Variants in SIRPB1 observed in about 807,000 individuals in gnomAD.
SIRPB1 encodes signal-regulatory protein beta-1.
In SIRPB1, 28 loss-of-function variants were observed where a neutral mutation model predicts 34.1. The ratio of observed to expected loss-of-function variants is 0.82; its 90% CI spans 0.61 to 1.12. The LOEUF (loss-of-function observed/expected upper bound fraction) is 1.12, where lower values mean the gene tolerates loss of function less well. Ranked by LOEUF, SIRPB1 falls within the 50% of genes most tolerant of loss-of-function variation. SIRPB1 has a pLI of 0.00. For synonymous variants in SIRPB1, 211 were observed against 203.8 expected, an observed-to-expected ratio of 1.04 and a Z score of -0.30; for missense variants, 499 against 507.0, an observed-to-expected ratio of 0.98 and a Z score of 0.15.
intron 1 of SIRPB1, 126 bp from the exon 2 acceptor site, chr20:1,578,820 A>C (rs1356695818): frequency 1.3e-6 from 1 of 761,732 alleles, no homozygotes; most frequent in East Asian, 2.4e-5. Context: ...TCAGCCCACT[A>C]CATGTATTAT....
chr20:1,609,907 G>C (rs565174948), intron 1 of SIRPB1, among the ~76,000 whole-genome samples: 1 of 73,102 alleles, frequency 1.4e-5, no homozygotes, highest in Non-Finnish European at 2.6e-5. Flanking sequence ...CTTCCAGTGG[G>C]TGTCTCCCGC....
chr20:1,614,896 A>C (rs2122321203), intron 1 of SIRPB1, among the ~76,000 whole-genome samples: 1 of 152,238 alleles, frequency 6.6e-6, no homozygotes, highest in Admixed American at 6.5e-5. Flanking sequence ...TATGCTATGT[A>C]CAGCTTTGTG....
At position 1,561,642 on chromosome 20, in the gene SIRPB1, G is replaced by A. The variant is rs892372436; in HGVS notation, c.*3858C>T. Among the ~76,000 whole-genome samples the A allele has an allele frequency of 4.6e-5, 7 of 152,112 alleles. No individual in the cohort carries two copies. Among genetic ancestry groups the A allele is most frequent in the African/African-American group, 1.7e-4 (7 of 41,394 alleles). On this transcript the variant is annotated 3_prime_UTR_variant, in exon 6 of 6. Coordinates refer to ENST00000381605, the MANE Select transcript of SIRPB1 (RefSeq NM_006065.5). ...TTCCTCATGATTAGATTGGGGTTGT[G>A]AGTTTTGGGGGGAAGGTAATAGAGG... is the stretch of plus-strand genomic sequence containing the variant.
At chr20:1,618,957 G>C (rs181079218) in intron 1 of SIRPB1, among the ~76,000 whole-genome samples, 289 of 152,320 alleles carry the variant, frequency 1.9e-3, no homozygotes, top group African/African-American at 6.8e-3. Context: ...TTGGGAGACA[G>C]GGTCTTTAAG....
At chr20:1,613,594 G>T (rs1300671182) in intron 1 of SIRPB1, among the ~76,000 whole-genome samples, 9 of 152,250 alleles carry the variant, frequency 5.9e-5, no homozygotes, top group African/African-American at 2.2e-4. Flanking sequence ...ATAACTAAAA[G>T]TTCACTAGAG....
chr20:1,617,329 A>G (rs920647152), intron 1 of SIRPB1, among the ~76,000 whole-genome samples: 1 of 152,180 alleles, frequency 6.6e-6, no homozygotes, highest in Non-Finnish European at 1.5e-5. Flanking sequence ...GGAAATTGGT[A>G]TACACAATGG....
rs570919989 is a variant in SIRPB1 at position 1,583,212 on chromosome 20, A to C, written c.77-4518T>G. On this transcript the variant is annotated intron_variant, in intron 1 of 5. Transcript: ENST00000381605. ...GCATCTGCGGAAATTTCATGGAATA[A>C]GATCAAGGGCAAAAGTGTTTGAGAA... 4.1e-5 allele frequency among the ~76,000 whole-genome samples: 2 copies of C among 49,140 alleles called. 1 individual carries two copies. The highest frequency in any genetic ancestry group is 2.7e-4 in the Admixed American group (2 of 7,330). The allele number at this position is 49,140 out of a possible 152,430, so 32.2% of individuals were successfully genotyped here.
intron 1 of SIRPB1, chr20:1,598,088 C>A: frequency 2.7e-6 from 1 of 371,184 alleles, no homozygotes; most frequent in Non-Finnish European, 3.1e-6. Context: ...TCTGGGGAAG[C>A]TTCTCACCAG....
At chr20:1,566,357 G>A (rs1422652043) in intron 4 of SIRPB1, 90 bp from the exon 5 acceptor site, 3 of 701,410 alleles carry the variant, frequency 4.3e-6, no homozygotes, top group Non-Finnish European at 7.1e-6. Flanking sequence ...AGGCTACCTG[G>A]GCCCATCAAT....
chr20:1,614,971 A>G (rs2091609301), intron 1 of SIRPB1, among the ~76,000 whole-genome samples: 1 of 152,154 alleles, frequency 6.6e-6, no homozygotes. Flanking sequence ...AATATCAATA[A>G]TGACATCTGC....
rs1488315301 is a variant in SIRPB1 at position 1,609,512 on chromosome 20, C to T, written c.76+10357G>A. On this transcript the variant is annotated intron_variant, in intron 1 of 5. Transcript: ENST00000381605. ...AGTTACATCTTCCCATCACTCTAACCTCTTGCTTGCACCCTCACAAATCCT... is the reference window on the plus strand; with the variant it reads ...AGTTACATCTTCCCATCACTCTAACTTCTTGCTTGCACCCTCACAAATCCT... Among the ~76,000 whole-genome samples, 5 of 72,284 alleles carry T rather than the reference C, an allele frequency of 6.9e-5. 2 individuals carry two copies. Among genetic ancestry groups the T allele is most frequent in the African/African-American group, 4.4e-4 (5 of 11,342 alleles). 47.4% of individuals were successfully genotyped at this position (72,284 alleles called of 152,430 possible).
rs762776895 is a variant in SIRPB1, at chr20:1,619,979, T to A, written c.-35A>T. On this transcript the variant is annotated 5_prime_UTR_variant, in exon 1 of 6. Coordinates refer to ENST00000381605, the MANE Select transcript of SIRPB1 (RefSeq NM_006065.5). ...CTTAGGAGCCTGCTCTGTCCAAACG[T>A]CTGTGCTGGGAAGATCGCAGACTCT... 3 of 1,597,484 alleles carry A rather than the reference T, an allele frequency of 1.9e-6. No individual in the cohort carries two copies. The East Asian group carries it at 6.7e-5, about 36-fold the overall frequency.
chr20:1,563,008 C>T lies in SIRPB1; in HGVS notation c.*2492G>A, dbSNP rs73570830. Among the ~76,000 whole-genome samples the T allele has an allele frequency of 9.7e-3, 1,472 of 152,196 alleles. 29 individuals are homozygous for T. The highest frequency in any genetic ancestry group is 0.034 in the African/African-American group (1,423 of 41,518). ...TAGGCAGCCAGAGGGAGGTAGTAAA[C>T]GCAAACTGCCACAAATGGGAGAGGA... On this transcript the variant is annotated 3_prime_UTR_variant, in exon 6 of 6. Transcript: ENST00000381605.
chr20:1,580,273 C>A (rs2091383657), intron 1 of SIRPB1, among the ~76,000 whole-genome samples: 1 of 147,606 alleles, frequency 6.8e-6, no homozygotes, highest in Admixed American at 6.7e-5. Context: ...TCTTCACCTG[C>A]AAACATCCTG....
Position 1,578,976 on chromosome 20 carries a change from C to T in SIRPB1, c.77-282G>A, listed in dbSNP as rs561441268. Among the ~76,000 whole-genome samples, 116 of 147,918 alleles carry T rather than the reference C, an allele frequency of 7.8e-4. 9 individuals are homozygous for T. The Middle Eastern group carries it at 0.017, about 22-fold the overall frequency. ...TTTCTTTTCTTTTTTGAGACGGGGT[C>T]TTGCTCTGTCTGCTGCCCAGGCTGG... On this transcript the variant is annotated intron_variant, in intron 1 of 5. Transcript: ENST00000381605.
chr20:1,619,984 G>A lies in SIRPB1; in HGVS notation c.-40C>T, dbSNP rs2091686688. Reference sequence around the variant, plus strand: ...GAGCCTGCTCTGTCCAAACGTCTGTGCTGGGAAGATCGCAGACTCTGCTCT... The same window carrying A: ...GAGCCTGCTCTGTCCAAACGTCTGTACTGGGAAGATCGCAGACTCTGCTCT... On this transcript the variant is annotated 5_prime_UTR_variant, in exon 1 of 6. Transcript: ENST00000381605. The A allele has an allele frequency of 1.3e-6, 2 of 1,580,788 alleles. No homozygotes were observed. Among genetic ancestry groups the A allele is most frequent in the Non-Finnish European group, 1.7e-6 (2 of 1,165,290 alleles).
At position 1,609,543 on chromosome 20, in the gene SIRPB1, A is replaced by G. The variant is rs199607509; in HGVS notation, c.76+10326T>C. Among the ~76,000 whole-genome samples the G allele has an allele frequency of 4.2e-5, 3 of 71,774 alleles. 1 individual carries two copies. The highest frequency in any genetic ancestry group is 5.2e-5 in the Non-Finnish European group (2 of 38,430). The allele number at this position is 71,774 out of a possible 152,430, so 47.1% of individuals were successfully genotyped here. On this transcript the variant is annotated intron_variant, in intron 1 of 5. Transcript: ENST00000381605. ...CTTGCACCCTCACAAATCCTTCTCTAAGAATTAATCTCCTTCCTCCTTCTT... is the reference window on the plus strand; with the variant it reads ...CTTGCACCCTCACAAATCCTTCTCTGAGAATTAATCTCCTTCCTCCTTCTT...
At position 1,609,264 on chromosome 20, in the gene SIRPB1, A is replaced by T. The variant is rs73604179; in HGVS notation, c.76+10605T>A. 4.3e-4 allele frequency among the ~76,000 whole-genome samples: 31 copies of T among 72,298 alleles called. 11 individuals are homozygous for T. Among genetic ancestry groups the T allele is most frequent in the South Asian group, 1.2e-3 (2 of 1,688 alleles). The allele number at this position is 72,298 out of a possible 152,430, so 47.4% of individuals were successfully genotyped here. ...GCCAATATTATCTGCACAATCAGGA[A>T]AAAGCCACCTTCCTTGTCTAAGTTC... On this transcript the variant is annotated intron_variant, in intron 1 of 5. Transcript: ENST00000381605.
Position 1,564,964 on chromosome 20 carries a change from T to C in SIRPB1, c.*536A>G. 1 of 398,576 alleles carries C rather than the reference T, an allele frequency of 2.5e-6. No individual in the cohort carries two copies. The highest frequency in any genetic ancestry group is 4.4e-6 in the Non-Finnish European group (1 of 226,054). The allele number at this position is 398,576 out of a possible 1,614,324, so 24.7% of individuals were successfully genotyped here. ...GAAGGCTGCAGGATACTAGAAGAAA[T>C]ACTGTCTCCATCACAGAGAGAGAAG... On this transcript the variant is annotated 3_prime_UTR_variant, in exon 6 of 6. Transcript: ENST00000381605.
Sources: gnomAD v4.1 joint callset for allele counts (sites outside exome capture counted in the v4.1 genomes callset) on GRCh38, gnomAD v4.1.1 for gene constraint, MANE v1.5 for transcripts, NCBI Gene and HGNC (gene_info 2026-07-23, HGNC 2026-07-21) for gene names.